RABIF: variants seen among roughly 807,000 people sequenced by gnomAD.
The protein encoded by RABIF is RAB interacting factor, also known as guanine nucleotide exchange factor MSS4.
Under a neutral mutation model 12.3 loss-of-function variants are expected in RABIF, and 13 were observed. The ratio of observed to expected loss-of-function variants is 1.06; its 90% CI spans 0.69 to 1.68. The LOEUF (loss-of-function observed/expected upper bound fraction) is 1.68, where lower values mean the gene tolerates loss of function less well. Ranked by LOEUF, RABIF falls within the 40% of genes most tolerant of loss-of-function variation. The pLI, the probability that RABIF is intolerant of heterozygous loss-of-function variation, is 0.00. For synonymous variants in RABIF, 70 were observed against 63.3 expected, an observed-to-expected ratio of 1.11 and a Z score of -0.50; for missense variants, 153 against 158.0, an observed-to-expected ratio of 0.97 and a Z score of 0.17.
chr1:202,882,823 C>T (rs1659511808), intron 1 of RABIF, among the ~76,000 whole-genome samples: 1 of 152,032 alleles, frequency 6.6e-6, no homozygotes, highest in South Asian at 2.1e-4. Flanking sequence ...CTTAGAATAG[C>T]AACTGGTATA....
intron 1 of RABIF, among the ~76,000 whole-genome samples, chr1:202,881,661 C>T (rs1341664477): frequency 6.6e-6 from 1 of 152,236 alleles, no homozygotes; most frequent in Admixed American, 6.5e-5. Flanking sequence ...CCTGCCTCGG[C>T]CTCCCGAAGT....
chr1:202,884,014 G>A (rs1186980067), intron 1 of RABIF, among the ~76,000 whole-genome samples: 1 of 152,106 alleles, frequency 6.6e-6, no homozygotes, highest in Non-Finnish European at 1.5e-5. Flanking sequence ...TAGACTACTG[G>A]GGATGGCAAC....
chr1:202,878,748 C>T lies in RABIF; in HGVS notation c.*2230G>A, dbSNP rs909599432. ...ACTCGGAGCAGAAAGCACAGGTTGC[C>T]TCTATCTACCCACAGCAAATAGCAG... On this transcript the variant is annotated 3_prime_UTR_variant, in exon 2 of 2. Transcript: ENST00000367262. 2.6e-5 allele frequency among the ~76,000 whole-genome samples: 4 copies of T among 152,220 alleles called. No homozygotes were observed. Among genetic ancestry groups the T allele is most frequent in the Non-Finnish European group, 5.9e-5 (4 of 68,032 alleles).
chr1:202,881,184 C>G lies in RABIF; in HGVS notation c.166G>C (p.Asp56His). ...PSMRKKPALS[D>H]GSNPDGDLLQ... is the part of the protein sequence containing the mutation. ...AGATCGCCGTCAGGATTGCTGCCGT[C>G]AGACAGAGCTGGCTTCTTTCTCATG... The change falls in exon 2 of 2, where the codon GAC (aspartate) becomes CAC (histidine). Residue 56 changes from aspartate (D) to histidine (H), a missense_variant. Coordinates refer to ENST00000367262, the MANE Select transcript of RABIF (RefSeq NM_002871.5). 1 of 1,614,136 alleles carries G rather than the reference C, an allele frequency of 6.2e-7. No homozygotes were observed.
chr1:202,886,239 C>CGGGGAG (rs1553234070), intron 1 of RABIF, among the ~76,000 whole-genome samples: 1 of 86,982 alleles, frequency 1.1e-5, no homozygotes, highest in Non-Finnish European at 2.4e-5. Context: ...GGAACGGGAA[C>CGGGGAG]GGGGAGGGGA....
chr1:202,886,333 G>A (rs1659562050), intron 1 of RABIF, among the ~76,000 whole-genome samples: 1 of 143,342 alleles, frequency 7.0e-6, no homozygotes. Flanking sequence ...GGGAAGGGAA[G>A]GGAGGGAGGG....
At chr1:202,885,256 C>T (rs547948826) in intron 1 of RABIF, among the ~76,000 whole-genome samples, 2 of 152,220 alleles carry the variant, frequency 1.3e-5, no homozygotes, top group East Asian at 3.9e-4. Flanking sequence ...CGGGAGGAAT[C>T]GAGAAACACA....
chr1:202,888,875 C>T, intron 1 of RABIF, 98 bp downstream of exon 1: 1 of 1,412,760 alleles, frequency 7.1e-7, no homozygotes, highest in East Asian at 2.8e-5. Context: ...GAGGAGGGCG[C>T]GGTTGCCGGA....
chr1:202,883,279 G>A (rs904976427), intron 1 of RABIF, among the ~76,000 whole-genome samples: 1 of 152,120 alleles, frequency 6.6e-6, no homozygotes. Context: ...CAATCCTCCA[G>A]CCTCAGTCTC....
intron 1 of RABIF, among the ~76,000 whole-genome samples, chr1:202,883,274 C>T (rs915232161): frequency 6.6e-6 from 1 of 152,178 alleles, no homozygotes; most frequent in African/African-American, 2.4e-5. Context: ...TCAAGCAATC[C>T]TCCAGCCTCA....
At chr1:202,885,690 A>G (rs1659550507) in intron 1 of RABIF, among the ~76,000 whole-genome samples, 2 of 152,244 alleles carry the variant, frequency 1.3e-5, no homozygotes, top group African/African-American at 4.8e-5. Flanking sequence ...TGTGACACAG[A>G]GCAGGGAAAG....
chr1:202,878,753 T>A lies in RABIF; in HGVS notation c.*2225A>T, dbSNP rs185960807. ...GAGCAGAAAGCACAGGTTGCCTCTA[T>A]CTACCCACAGCAAATAGCAGCTGAT... is the stretch of plus-strand genomic sequence containing the variant. On this transcript the variant is annotated 3_prime_UTR_variant, in exon 2 of 2. Coordinates refer to ENST00000367262, the MANE Select transcript of RABIF (RefSeq NM_002871.5). Among the ~76,000 whole-genome samples, 416 of 152,332 alleles carry A rather than the reference T, an allele frequency of 2.7e-3. 2 individuals carry two copies. The highest frequency in any genetic ancestry group is 9.3e-3 in the African/African-American group (388 of 41,586).
At chr1:202,884,194 A>G (rs549616909) in intron 1 of RABIF, among the ~76,000 whole-genome samples, 64 of 152,292 alleles carry the variant, frequency 4.2e-4, no homozygotes, top group Non-Finnish European at 6.0e-4. Flanking sequence ...CTGCTGATAT[A>G]CTACTAACAG....
intron 1 of RABIF, among the ~76,000 whole-genome samples, chr1:202,882,054 T>C (rs1025324105): frequency 2.0e-5 from 3 of 152,236 alleles, no homozygotes; most frequent in Non-Finnish European, 2.9e-5. Context: ...GGCAACATAA[T>C]GAGACCTAGT....
Position 202,889,132 on chromosome 1 carries a change from T to C in RABIF, c.-34A>G, listed in dbSNP as rs756148865. 1.3e-6 allele frequency: 2 copies of C among 1,583,374 alleles called. No homozygotes were observed. Among genetic ancestry groups the C allele is most frequent in the Non-Finnish European group, 1.7e-6 (2 of 1,164,960 alleles). ...CCGCCACAGGCTCCTCAGCCACGGC[T>C]GCGCAGACGCTGTCTCTGCTGGCTC... On this transcript the variant is annotated 5_prime_UTR_variant, in exon 1 of 2. Coordinates refer to ENST00000367262, the MANE Select transcript of RABIF (RefSeq NM_002871.5).
rs568856002 is a variant in RABIF, at chr1:202,881,502, C to T, written c.127-279G>A. Among the ~76,000 whole-genome samples, 412 of 152,118 alleles carry T rather than the reference C, an allele frequency of 2.7e-3. 2 individuals carry two copies. The highest frequency in any genetic ancestry group is 9.0e-3 in the African/African-American group (374 of 41,504). On this transcript the variant is annotated intron_variant, in intron 1 of 1. Transcript: ENST00000367262. ...CTGCAACCTCCGCCTCCTGGGTTCA[C>T]GCCATTCTCCTGCCTCAGCCTCCCG...
Position 202,888,963 on chromosome 1 carries a change from G to T in RABIF, c.126+10C>A. 2 of 1,545,664 alleles carry T rather than the reference G, an allele frequency of 1.3e-6. No homozygotes were observed. The highest frequency in any genetic ancestry group is 4.9e-5 in the East Asian group (2 of 40,998). ...TGTGGGTGTAAACGGCCTCCAACCT[G>T]CCTCCCTACCTGTCGGCGAGAGAAG... is the stretch of plus-strand genomic sequence containing the variant. On this transcript the variant is annotated intron_variant, in intron 1 of 1. Coordinates refer to ENST00000367262, the MANE Select transcript of RABIF (RefSeq NM_002871.5).
At position 202,879,807 on chromosome 1, in the gene RABIF, G is replaced by A. The variant is rs966679807; in HGVS notation, c.*1171C>T. On this transcript the variant is annotated 3_prime_UTR_variant, in exon 2 of 2. Transcript: ENST00000367262. ...ATTTTAGGCCTCCTGAATAGTAGAG[G>A]TGGTGACAGGAGGATACCTGAAACC... The A allele has an allele frequency of 2.0e-5, 3 of 152,204 alleles. No individual in the cohort carries two copies. Among genetic ancestry groups the A allele is most frequent in the African/African-American group, 7.2e-5 (3 of 41,456 alleles). The allele number at this position is 152,204 out of a possible 1,614,324, so 9.4% of individuals were successfully genotyped here.
At chr1:202,888,241 A>G (rs1659591717) in intron 1 of RABIF, among the ~76,000 whole-genome samples, 1 of 152,070 alleles carries the variant, frequency 6.6e-6, no homozygotes, top group African/African-American at 2.4e-5. Flanking sequence ...TTTTTTTTCA[A>G]CTTTCTCACT....
Sources: gnomAD v4.1 joint callset for allele counts (sites outside exome capture counted in the v4.1 genomes callset) on GRCh38, gnomAD v4.1.1 for gene constraint, MANE v1.5 for transcripts, NCBI Gene and HGNC (gene_info 2026-07-23, HGNC 2026-07-21) for gene names.